Variants in LSAMP observed in about 807,000 individuals in gnomAD.
The protein encoded by LSAMP is limbic system associated membrane protein.
LSAMP carries 7 observed loss-of-function variants against 38.6 expected under a neutral mutation model. The ratio of observed to expected loss-of-function variants is 0.18; its 90% CI spans 0.10 to 0.34. The LOEUF is 0.34. LSAMP is among the 10% of genes least tolerant of loss of function. The pLI is 1.00. For synonymous variants in LSAMP, 154 were observed against 166.8 expected (o/e 0.92, Z 0.59); for missense variants, 313 against 420.0 (o/e 0.75, Z 2.23).
chr3:116,374,632 A>G (rs919188273), intron 1 of LSAMP, among the ~76,000 whole-genome samples: 4 of 151,978 alleles, frequency 2.6e-5, no homozygotes, highest in African/African-American at 9.7e-5. Context: ...CAGAATTTCA[A>G]TTACGAAACA....
intron 1 of LSAMP, among the ~76,000 whole-genome samples, chr3:116,286,997 A>G (rs1362229256): frequency 6.6e-6 from 1 of 152,034 alleles, no homozygotes. Flanking sequence ...CCATCTAGAG[A>G]TAAAATGGAA....
intron 3 of LSAMP, among the ~76,000 whole-genome samples, chr3:115,853,651 A>C (rs1935404474): frequency 6.6e-6 from 1 of 152,180 alleles, no homozygotes; most frequent in South Asian, 2.1e-4. Flanking sequence ...AGAAGGTGAA[A>C]GAGGAAAGAG....
At chr3:116,430,220 G>A (rs1365313985) in intron 1 of LSAMP, among the ~76,000 whole-genome samples, 3 of 152,140 alleles carry the variant, frequency 2.0e-5, no homozygotes, top group Non-Finnish European at 4.4e-5. Flanking sequence ...TGATATGTTT[G>A]CAAATTCTCC....
At chr3:116,177,590 A>C (rs1453208263) in intron 1 of LSAMP, among the ~76,000 whole-genome samples, 1 of 152,200 alleles carries the variant, frequency 6.6e-6, no homozygotes, top group Admixed American at 6.6e-5. Flanking sequence ...AAACTAAACT[A>C]ACAAAATAAT....
At chr3:115,956,064 C>T (rs934222379) in intron 3 of LSAMP, among the ~76,000 whole-genome samples, 1 of 152,100 alleles carries the variant, frequency 6.6e-6, no homozygotes, top group African/African-American at 2.4e-5. Flanking sequence ...CTGTAGACGA[C>T]CATGATTTAC....
At chr3:116,008,667 C>T (rs755077529) in intron 3 of LSAMP, among the ~76,000 whole-genome samples, 2 of 152,074 alleles carry the variant, frequency 1.3e-5, no homozygotes, top group South Asian at 2.1e-4. Flanking sequence ...ATTATAACCC[C>T]ACCCCCACTC....
rs575417030 is a variant in LSAMP at position 116,024,827 on chromosome 3, T to C, written c.389-5187A>G. Among the ~76,000 whole-genome samples, 19 of 151,102 alleles carry C rather than the reference T, an allele frequency of 1.3e-4. No individual in the cohort carries two copies. The South Asian group carries it at 4.0e-3, about 32-fold the overall frequency. On this transcript the variant is annotated intron_variant, in intron 2 of 6. Transcript: ENST00000490035. ...TTATCATTATCATTATTACTACCAC[T>C]ACTACCATTTCCCACATGTGGGCAA...
intron 3 of LSAMP, among the ~76,000 whole-genome samples, chr3:115,996,537 AC>A (rs748381707): frequency 6.6e-6 from 1 of 152,142 alleles, no homozygotes; most frequent in Admixed American, 6.6e-5. Flanking sequence ...ATTAAAAAAA[AC>A]AAATGATGTA....
At chr3:115,972,553 T>G (rs7610140) in intron 3 of LSAMP, among the ~76,000 whole-genome samples, 1 of 151,468 alleles carries the variant, frequency 6.6e-6, no homozygotes, top group East Asian at 1.9e-4. Context: ...CTCCTTTATT[T>G]GAATTCAAAT....
At chr3:116,277,614 G>A (rs1426953335) in intron 1 of LSAMP, among the ~76,000 whole-genome samples, 1 of 152,024 alleles carries the variant, frequency 6.6e-6, no homozygotes, top group Middle Eastern at 3.2e-3. Context: ...CTCCTGATCT[G>A]CCGGCCTCAG....
In LSAMP at chr3:115,808,377, TGTAA is replaced by T. The variant is rs1388652385; in HGVS notation, c.*1936_*1939del. 2 of 151,830 alleles carry T rather than the reference TGTAA, an allele frequency of 1.3e-5. No homozygotes were observed. The highest frequency in any genetic ancestry group is 4.8e-5 in the African/African-American group (2 of 41,304). The allele number at this position is 151,830 out of a possible 1,614,324, so 9.4% of individuals were successfully genotyped here. ...GAACCACTTTCAGTGCTTACTACTG[TGTAA>T]GTGAGAGCAAGGGTTGGTTTTCTGA... On this transcript the variant is annotated 3_prime_UTR_variant, in exon 7 of 7. Transcript: ENST00000490035.
At chr3:116,287,407 G>A (rs1431394682) in intron 1 of LSAMP, among the ~76,000 whole-genome samples, 6 of 152,088 alleles carry the variant, frequency 3.9e-5, no homozygotes, top group South Asian at 2.1e-4. Flanking sequence ...GTCCAAGTGG[G>A]TTGAGGGCAT....
intron 1 of LSAMP, among the ~76,000 whole-genome samples, chr3:116,438,445 C>T (rs2049386277): frequency 6.6e-6 from 1 of 152,126 alleles, no homozygotes; most frequent in Non-Finnish European, 1.5e-5. Context: ...GATCTTCTGA[C>T]TACTTGTTGA....
intron 6 of LSAMP, among the ~76,000 whole-genome samples, chr3:115,837,527 C>T (rs1173546211): frequency 1.3e-5 from 2 of 152,062 alleles, no homozygotes; most frequent in Non-Finnish European, 2.9e-5. Flanking sequence ...AGCCAATCAT[C>T]GAACTAACCT....
At chr3:116,137,843 G>A (rs1001126423) in intron 1 of LSAMP, among the ~76,000 whole-genome samples, 1 of 152,174 alleles carries the variant, frequency 6.6e-6, no homozygotes, top group Non-Finnish European at 1.5e-5. Flanking sequence ...ACAAAAAGGG[G>A]AGGGTGTGTT....
intron 2 of LSAMP, among the ~76,000 whole-genome samples, chr3:116,072,864 A>G (rs1216107540): frequency 7.2e-6 from 1 of 139,120 alleles, no homozygotes; most frequent in East Asian, 2.2e-4. Context: ...TTGTCTGTTT[A>G]CTCTGATGAT....
chr3:115,865,798 C>A (rs1935841304), intron 3 of LSAMP, among the ~76,000 whole-genome samples: 1 of 152,144 alleles, frequency 6.6e-6, no homozygotes, highest in Non-Finnish European at 1.5e-5. Context: ...GAAACATATA[C>A]CTTTTCTTTT....
intron 6 of LSAMP, among the ~76,000 whole-genome samples, chr3:115,833,243 A>G (rs1934674347): frequency 6.6e-6 from 1 of 152,158 alleles, no homozygotes; most frequent in South Asian, 2.1e-4. Flanking sequence ...CAGGAATTCA[A>G]AATGGGATAT....
chr3:116,258,941 A>C (rs1576465064), intron 1 of LSAMP, among the ~76,000 whole-genome samples: 1 of 152,264 alleles, frequency 6.6e-6, no homozygotes, highest in East Asian at 1.9e-4. Flanking sequence ...ATCATTAAAA[A>C]TACGTTTTAA....
Sources: gnomAD v4.1 joint callset for allele counts (sites outside exome capture counted in the v4.1 genomes callset) on GRCh38, gnomAD v4.1.1 for gene constraint, MANE v1.5 for transcripts, NCBI Gene and HGNC (gene_info 2026-07-23, HGNC 2026-07-21) for gene names.